The following EIF5B variants were observed in gnomAD, a reference collection of about 807,000 sequenced individuals.
EIF5B encodes eIF-5B.
A neutral mutation model predicts 147.5 loss-of-function variants in EIF5B; 47 were observed. That is an observed-to-expected ratio of 0.32 (90% confidence interval 0.25 to 0.41). The LOEUF is 0.41. EIF5B is among the 10% of genes least tolerant of loss of function. EIF5B has a pLI of 1.00. For missense variants in EIF5B, 1,064 were observed against 1,413.2 expected, an observed-to-expected ratio of 0.75 and a Z score of 3.96; for synonymous variants, 455 against 456.2, an observed-to-expected ratio of 1.00 and a Z score of 0.03.
intron 1 of EIF5B, among the ~76,000 whole-genome samples, chr2:99,349,294 G>A (rs2094279272): frequency 3.3e-5 from 5 of 152,180 alleles, no homozygotes; most frequent in Admixed American, 3.3e-4. Context: ...TAGACATCTT[G>A]GAGATTTTGA....
intron 1 of EIF5B, among the ~76,000 whole-genome samples, chr2:99,356,083 G>A (rs938927674): frequency 2.0e-5 from 3 of 152,108 alleles, no homozygotes; most frequent in Non-Finnish European, 4.4e-5. Context: ...TGCATACTTT[G>A]TGTAGATTTC....
rs1399890918 is a variant in EIF5B at position 99,399,427 on chromosome 2, G to T, written c.*13G>T. 3.1e-6 allele frequency: 5 copies of T among 1,610,512 alleles called. No individual in the cohort carries two copies. The Admixed American group carries it at 6.7e-5, about 21-fold the overall frequency. On this transcript the variant is annotated 3_prime_UTR_variant, in exon 24 of 24. Coordinates refer to ENST00000289371, the MANE Select transcript of EIF5B (RefSeq NM_015904.4). The stretch of plus-strand genomic sequence containing the variant: ...TGAAATCATCTAATTTTTTCACATG[G>T]AGCAGGAACTGGAGTAAATGCAATA...
Position 99,379,031 on chromosome 2 carries a change from G to T in EIF5B, c.1855G>T (p.Glu619Ter). ...TTTTTATTTCTAGAAACGGCGACTT[G>T]AACATAGTAAAAATGTAAACACCGA... is the stretch of plus-strand genomic sequence containing the variant. ...AKRRIEKRRL[E>*]HSKNVNTEKL... The change falls in exon 11 of 24, where the codon GAA (glutamate) becomes TAA (stop). Residue 619 changes from glutamate (E) to a stop codon, truncating the protein, a stop_gained. Transcript: ENST00000289371. LOFTEE classifies it high-confidence loss of function. The T allele has an allele frequency of 1.3e-6, 2 of 1,554,634 alleles. No individual in the cohort carries two copies. Among genetic ancestry groups the T allele is most frequent in the Non-Finnish European group, 1.7e-6 (2 of 1,155,160 alleles).
At position 99,396,674 on chromosome 2, in the gene EIF5B, G is replaced by GTTT. The variant is rs1408922980; in HGVS notation, c.3255-86_3255-85insTTT. ...TGGGGAAAGCTGCTTTCCTCTAATG[G>GTTT]GAGAAGCCTGATGTTCAGCTGCAGT... On this transcript the variant is annotated intron_variant, in intron 21 of 23. Coordinates refer to ENST00000289371, the MANE Select transcript of EIF5B (RefSeq NM_015904.4). The GTTT allele has an allele frequency of 2.0e-5, 30 of 1,484,688 alleles. 1 individual carries two copies. In the Middle Eastern group the frequency reaches 6.6e-4, roughly 33 times the overall value. The allele number at this position is 1,484,688 out of a possible 1,614,324, so 92.0% of individuals were successfully genotyped here. A position where few individuals can be genotyped will look rare whatever the true frequency, so the allele number is the denominator to read the frequency against.
intron 1 of EIF5B, among the ~76,000 whole-genome samples, chr2:99,351,614 GTC>G: frequency 1.3e-5 from 2 of 152,134 alleles, no homozygotes; most frequent in South Asian, 4.1e-4. Context: ...TCCATATCCA[GTC>G]TCAACACTTG....
In EIF5B at chr2:99,353,005, C is replaced by CTTTTTTTTTTTT. The variant is rs529053292; in HGVS notation, c.36-7215_36-7204dup. 9.8e-3 allele frequency among the ~76,000 whole-genome samples: 618 copies of CTTTTTTTTTTTT among 62,844 alleles called. 65 individuals are homozygous for CTTTTTTTTTTTT. The highest frequency in any genetic ancestry group is 0.022 in the East Asian group (36 of 1,646). The allele number at this position is 62,844 out of a possible 152,430, so 41.2% of individuals were successfully genotyped here. On this transcript the variant is annotated intron_variant, in intron 1 of 23. Transcript: ENST00000289371. ...GCCTGGCTAATTTTTTCTTCTTCTTCTTTTTTTTTTTTTTTTTTTTTTTTT... is the reference window on the plus strand; with the variant it reads ...GCCTGGCTAATTTTTTCTTCTTCTTCTTTTTTTTTTTTTTTTTTTTTTTTTTTTTTTTTTTTT...
intron 14 of EIF5B, chr2:99,389,504 C>T: frequency 3.1e-6 from 1 of 325,342 alleles, no homozygotes; most frequent in Non-Finnish European, 5.6e-6. Context: ...CTCATGGAGG[C>T]TGACAGGGGC....
At chr2:99,389,464 T>G (rs976304836) in intron 14 of EIF5B, 36 of 254,102 alleles carry the variant, frequency 1.4e-4, no homozygotes, top group African/African-American at 6.9e-4. Context: ...GGATGTTATC[T>G]TTTGCAAACA....
At chr2:99,392,768 T>C (rs1674964092) in intron 17 of EIF5B, among the ~76,000 whole-genome samples, 199 bp from the exon 18 acceptor site, 1 of 152,238 alleles carries the variant, frequency 6.6e-6, no homozygotes, top group African/African-American at 2.4e-5. Context: ...TCTACTCTTG[T>C]GACTTTTTTT....
At chr2:99,345,943 C>A (rs1199204362) in intron 1 of EIF5B, among the ~76,000 whole-genome samples, 268 of 136,942 alleles carry the variant, frequency 2.0e-3, no homozygotes, top group Middle Eastern at 7.8e-3. Context: ...GACCCTGTCT[C>A]AAAAAAAAAA....
At chr2:99,391,156 A>G (rs909042540) in intron 17 of EIF5B, among the ~76,000 whole-genome samples, 1 of 152,254 alleles carries the variant, frequency 6.6e-6, no homozygotes, top group Non-Finnish European at 1.5e-5. Context: ...CTTACAGTAA[A>G]ACAAGCTAGA....
Position 99,368,424 on chromosome 2 carries a change from C to G in EIF5B, c.1289-69C>G. 7.0e-6 allele frequency: 8 copies of G among 1,135,656 alleles called. No homozygotes were observed. In the South Asian group the frequency reaches 1.0e-4, roughly 15 times the overall value. 70.3% of individuals were successfully genotyped at this position (1,135,656 alleles called of 1,614,324 possible). On this transcript the variant is annotated intron_variant, in intron 6 of 23. Transcript: ENST00000289371. Reference sequence around the variant, plus strand: ...TCTCTGTGGTGAATGAAATGCTATCCTTTAAATAGTACTTCTCAGGTGACA... The same window carrying G: ...TCTCTGTGGTGAATGAAATGCTATCGTTTAAATAGTACTTCTCAGGTGACA...
chr2:99,337,907 G>A (rs2094247087), intron 1 of EIF5B, among the ~76,000 whole-genome samples: 1 of 152,266 alleles, frequency 6.6e-6, no homozygotes, highest in African/African-American at 2.4e-5. Context: ...GCCCAGGCCA[G>A]TGTGAGTTTT....
At chr2:99,337,697 G>C (rs561416506) in intron 1 of EIF5B, 108 bp downstream of exon 1, 353 of 1,382,444 alleles carry the variant, frequency 2.6e-4, no homozygotes, top group Non-Finnish European at 3.3e-4. Flanking sequence ...GATGAGCTTC[G>C]CGGGGTACCA....
intron 3 of EIF5B, 67 bp downstream of exon 3, chr2:99,360,616 G>T: frequency 6.7e-7 from 1 of 1,500,222 alleles, no homozygotes; most frequent in Non-Finnish European, 9.0e-7. Flanking sequence ...ATGTTGGTTT[G>T]GGGAGCTACA....
At chr2:99,371,919 G>T (rs1219923944) in intron 9 of EIF5B, among the ~76,000 whole-genome samples, 189 bp downstream of exon 9, 1 of 152,176 alleles carries the variant, frequency 6.6e-6, no homozygotes, top group Non-Finnish European at 1.5e-5. Flanking sequence ...TGAATGAGTG[G>T]TTCCTCAGAA....
At chr2:99,363,491 G>A (rs1470239759) in intron 4 of EIF5B, among the ~76,000 whole-genome samples, 154 bp from the exon 5 acceptor site, 1 of 152,204 alleles carries the variant, frequency 6.6e-6, no homozygotes. Context: ...AGTTACCAAA[G>A]TGCTCAGGAT....
At chr2:99,379,773 A>G (rs541737221) in intron 12 of EIF5B, among the ~76,000 whole-genome samples, 26 of 152,180 alleles carry the variant, frequency 1.7e-4, no homozygotes, top group South Asian at 1.2e-3. Context: ...TAATCTAATC[A>G]ATTTCTTTTC....
At chr2:99,359,084 C>A (rs12623540) in intron 1 of EIF5B, among the ~76,000 whole-genome samples, 1 of 151,646 alleles carries the variant, frequency 6.6e-6, no homozygotes, top group East Asian at 1.9e-4. Context: ...TTACTGAGAC[C>A]GGGAGCAGTG....
Sources: allele counts gnomAD v4.1 joint callset (sites outside exome capture counted in the v4.1 genomes callset), GRCh38; gene constraint gnomAD v4.1.1; transcripts MANE v1.5; gene names NCBI Gene and HGNC (gene_info 2026-07-23, HGNC 2026-07-21).